Variants in TMEM132D observed in about 807,000 individuals in gnomAD.
TMEM132D encodes the protein transmembrane protein 132D.
Under a neutral mutation model 62.3 loss-of-function variants are expected in TMEM132D, and 21 were observed. That is an observed-to-expected ratio of 0.34 (90% CI 0.24 to 0.49). The LOEUF is 0.49. TMEM132D is among the 20% of genes least tolerant of loss of function. TMEM132D has a pLI of 0.99. For synonymous variants in TMEM132D, 621 were observed against 575.6 expected (o/e 1.08, Z -1.13); for missense variants, 1,346 against 1,402.8 (o/e 0.96, Z 0.65).
intron 1 of TMEM132D, among the ~76,000 whole-genome samples, chr12:129,725,369 T>G (rs1469198193): frequency 6.6e-6 from 1 of 152,248 alleles, no homozygotes; most frequent in Admixed American, 6.5e-5. Context: ...AAAAGCTCGC[T>G]AATTTGTAGC....
At chr12:129,870,451 C>T (rs955439297) in intron 1 of TMEM132D, among the ~76,000 whole-genome samples, 4 of 152,208 alleles carry the variant, frequency 2.6e-5, no homozygotes, top group Non-Finnish European at 5.9e-5. Flanking sequence ...TGAAACCCCA[C>T]ATAAAACTCT....
At chr12:129,217,892 G>A (rs79833418) in intron 4 of TMEM132D, among the ~76,000 whole-genome samples, 3,123 of 152,230 alleles carry the variant, frequency 0.021, 210 homozygotes, top group East Asian at 0.19. Context: ...TTGTATAAGA[G>A]GACATCCATT....
intron 2 of TMEM132D, among the ~76,000 whole-genome samples, chr12:129,651,153 TTG>T (rs1030824416): frequency 1.3e-5 from 2 of 152,130 alleles, no homozygotes; most frequent in Admixed American, 1.3e-4. Flanking sequence ...GTATGTGTGT[TTG>T]TGTGTGTGAT....
intron 3 of TMEM132D, among the ~76,000 whole-genome samples, chr12:129,503,962 GTCA>G (rs199820261): frequency 0.017 from 2,500 of 149,284 alleles, 45 homozygotes; most frequent in African/African-American, 0.05. Flanking sequence ...CATCACTATT[GTCA>G]TCATCATCAC....
intron 1 of TMEM132D, among the ~76,000 whole-genome samples, chr12:129,741,559 C>A (rs556748726): frequency 6.6e-6 from 1 of 152,118 alleles, no homozygotes; most frequent in Non-Finnish European, 1.5e-5. Context: ...CAGTGCTCAA[C>A]CACAGCAACT....
chr12:129,675,970 GC>G (rs1288450265), intron 2 of TMEM132D, among the ~76,000 whole-genome samples: 7 of 152,204 alleles, frequency 4.6e-5, no homozygotes, highest in Admixed American at 4.6e-4. Flanking sequence ...ATCTTCCGGT[GC>G]CTTCAAATTT....
At chr12:129,111,939 G>A (rs187180153) in intron 5 of TMEM132D, among the ~76,000 whole-genome samples, 1 of 152,264 alleles carries the variant, frequency 6.6e-6, no homozygotes, top group Non-Finnish European at 1.5e-5. Flanking sequence ...CAGCAGTCAG[G>A]GGTCCCTTGG....
chr12:129,604,231 C>A (rs1878556737), intron 2 of TMEM132D, among the ~76,000 whole-genome samples: 1 of 152,080 alleles, frequency 6.6e-6, no homozygotes, highest in Admixed American at 6.5e-5. Flanking sequence ...AGGCTTAAAA[C>A]CCAGATGATG....
chr12:129,309,761 C>T (rs1041472157), intron 4 of TMEM132D, among the ~76,000 whole-genome samples: 2 of 151,812 alleles, frequency 1.3e-5, no homozygotes, highest in Admixed American at 6.6e-5. Flanking sequence ...AAGCATGGTG[C>T]GTTTCAAACT....
intron 2 of TMEM132D, among the ~76,000 whole-genome samples, chr12:129,684,946 G>T (rs529296512): frequency 5.9e-5 from 9 of 152,276 alleles, no homozygotes; most frequent in African/African-American, 1.9e-4. Context: ...GTATCTGGAA[G>T]AAGAAATTTC....
chr12:129,279,173 C>A (rs1881075526), intron 4 of TMEM132D, among the ~76,000 whole-genome samples: 1 of 152,184 alleles, frequency 6.6e-6, no homozygotes, highest in Non-Finnish European at 1.5e-5. Context: ...CATGGGACGG[C>A]AGTCTGCAGT....
intron 1 of TMEM132D, among the ~76,000 whole-genome samples, chr12:129,890,248 G>T (rs532967301): frequency 6.6e-6 from 1 of 152,184 alleles, no homozygotes; most frequent in African/African-American, 2.4e-5. Flanking sequence ...GGAACTTGGC[G>T]CAGGGCAGTG....
At chr12:129,226,024 A>T (rs1466316475) in intron 4 of TMEM132D, among the ~76,000 whole-genome samples, 1 of 152,158 alleles carries the variant, frequency 6.6e-6, no homozygotes, top group Non-Finnish European at 1.5e-5. Flanking sequence ...TGAAAGAAAG[A>T]CGGGAAGTTT....
intron 4 of TMEM132D, among the ~76,000 whole-genome samples, chr12:129,248,497 T>C (rs372147746): frequency 1.3e-5 from 2 of 151,900 alleles, no homozygotes; most frequent in African/African-American, 4.8e-5. Flanking sequence ...TATTTACTGC[T>C]ACATAACAAA....
intron 1 of TMEM132D, among the ~76,000 whole-genome samples, chr12:129,769,382 A>G (rs1870655334): frequency 6.6e-6 from 1 of 152,166 alleles, no homozygotes; most frequent in South Asian, 2.1e-4. Context: ...AAATCGTCAG[A>G]TCTCATGAGA....
chr12:129,136,842 C>T (rs972988295), intron 5 of TMEM132D, among the ~76,000 whole-genome samples: 27 of 134,106 alleles, frequency 2.0e-4, no homozygotes, highest in Non-Finnish European at 4.0e-4. Flanking sequence ...ATTATCACCA[C>T]CACCATCATC....
At chr12:129,711,106 A>G (rs1881631389) in intron 1 of TMEM132D, among the ~76,000 whole-genome samples, 1 of 152,116 alleles carries the variant, frequency 6.6e-6, no homozygotes, top group Non-Finnish European at 1.5e-5. Context: ...TCCCTCAGAG[A>G]TCTCACAAGC....
chr12:129,126,289 T>C (rs1876211214), intron 5 of TMEM132D, among the ~76,000 whole-genome samples: 1 of 152,146 alleles, frequency 6.6e-6, no homozygotes, highest in South Asian at 2.1e-4. Context: ...ACACAGCCAA[T>C]TAAAAATGTT....
At chr12:129,367,754 C>T (rs1870464072) in intron 3 of TMEM132D, among the ~76,000 whole-genome samples, 1 of 149,952 alleles carries the variant, frequency 6.7e-6, no homozygotes, top group African/African-American at 2.5e-5. Context: ...GTTAAGGAAG[C>T]TCTTTCTTTT....
Sources: gnomAD v4.1 joint callset for allele counts (sites outside exome capture counted in the v4.1 genomes callset) on GRCh38, gnomAD v4.1.1 for gene constraint, MANE v1.5 for transcripts, NCBI Gene and HGNC (gene_info 2026-07-23, HGNC 2026-07-21) for gene names.